Variants in NIBAN1 observed in about 807,000 individuals in gnomAD.
NIBAN1 encodes the protein protein Niban 1.
In NIBAN1, 81 loss-of-function variants were observed where a neutral mutation model predicts 75.1. That is an observed-to-expected ratio of 1.08 (90% CI 0.90 to 1.30). NIBAN1 has a LOEUF of 1.30. Ranked by LOEUF, NIBAN1 falls within the 50% of genes most tolerant of loss-of-function variation. The pLI, the probability that NIBAN1 is intolerant of heterozygous loss-of-function variation, is 0.00. For missense variants in NIBAN1, 1,133 were observed against 1,128.1 expected, an observed-to-expected ratio of 1.00 and a Z score of -0.06; for synonymous variants, 436 against 424.8, an observed-to-expected ratio of 1.03 and a Z score of -0.32.
rs375164319 is a variant in NIBAN1 at position 184,827,953 on chromosome 1, G to T, written c.717+3894C>A. Among the ~76,000 whole-genome samples, 470 of 100,000 alleles carry T rather than the reference G, an allele frequency of 4.7e-3. 2 individuals are homozygous for T. The highest frequency in any genetic ancestry group is 7.2e-3 in the African/African-American group (217 of 30,302). The allele number at this position is 100,000 out of a possible 152,430, so 65.6% of individuals were successfully genotyped here. A position where few individuals can be genotyped will look rare whatever the true frequency, so the allele number is the denominator to read the frequency against. ...AAGGCCTAAAAATGCGGGTAGTTTT[G>T]TTTTTTGTTTTTTTTTTTTTTTTCC... On this transcript the variant is annotated intron_variant, in intron 6 of 13. Transcript: ENST00000367511.
chr1:184,880,814 A>G (rs1386651773), intron 5 of NIBAN1, among the ~76,000 whole-genome samples: 5 of 152,202 alleles, frequency 3.3e-5, no homozygotes, highest in Admixed American at 1.3e-4. Flanking sequence ...GGACTGTCTC[A>G]GAACATCTTG....
intron 1 of NIBAN1, among the ~76,000 whole-genome samples, chr1:184,950,327 A>G (rs1439008186): frequency 6.6e-6 from 1 of 152,208 alleles, no homozygotes; most frequent in African/African-American, 2.4e-5. Flanking sequence ...TGAAATTTAC[A>G]AAAGGTAAGT....
At chr1:184,959,109 G>A (rs1017791517) in intron 1 of NIBAN1, among the ~76,000 whole-genome samples, 1 of 152,246 alleles carries the variant, frequency 6.6e-6, no homozygotes, top group Non-Finnish European at 1.5e-5. Flanking sequence ...CAATAATGAT[G>A]TGCTTTTTAA....
At chr1:184,972,632 A>G (rs1329192800) in intron 1 of NIBAN1, among the ~76,000 whole-genome samples, 1 of 152,232 alleles carries the variant, frequency 6.6e-6, no homozygotes, top group Non-Finnish European at 1.5e-5. Context: ...AATGACTGTC[A>G]CACCATATGC....
chr1:184,898,754 A>T (rs1305690863), intron 2 of NIBAN1, among the ~76,000 whole-genome samples: 1 of 152,218 alleles, frequency 6.6e-6, no homozygotes, highest in Non-Finnish European at 1.5e-5. Context: ...TTAATTCCCC[A>T]GTTCTTGGAC....
Position 184,890,152 on chromosome 1 carries a change from T to G in NIBAN1, c.389A>C (p.Asp130Ala). ...CCTGTCAGACAACAGATTATATTCA[T>G]CTTCTGAGGTTAACACCTTGCCACC... ...PAGGKVLTSE[D>A]EYNLLSDRHF... is the part of the protein sequence containing the mutation. The change falls in exon 4 of 14, where the codon GAT becomes GCT. Residue 130 changes from aspartate (D) to alanine (A), a missense_variant. Transcript: ENST00000367511. 1.2e-6 allele frequency: 2 copies of G among 1,613,940 alleles called. No individual in the cohort carries two copies. The highest frequency in any genetic ancestry group is 1.7e-6 in the Non-Finnish European group (2 of 1,179,854).
At chr1:184,921,468 T>C (rs1490208663) in intron 1 of NIBAN1, among the ~76,000 whole-genome samples, 2 of 152,146 alleles carry the variant, frequency 1.3e-5, no homozygotes, top group Non-Finnish European at 2.9e-5. Context: ...ACCAAAATGA[T>C]AAGTGATTAT....
chr1:184,934,496 G>T (rs1345474994), intron 1 of NIBAN1, among the ~76,000 whole-genome samples: 2 of 152,188 alleles, frequency 1.3e-5, no homozygotes, highest in African/African-American at 4.8e-5. Context: ...TGGCTCAGGG[G>T]CTCACACCTG....
chr1:184,846,030 G>T (rs1335657525), intron 5 of NIBAN1, among the ~76,000 whole-genome samples: 1 of 86,408 alleles, frequency 1.2e-5, no homozygotes, highest in Non-Finnish European at 2.3e-5. Flanking sequence ...ACTGCAAGGC[G>T]GCAGCGAGGC....
At chr1:184,852,293 G>A (rs1393981187) in intron 5 of NIBAN1, among the ~76,000 whole-genome samples, 1 of 152,218 alleles carries the variant, frequency 6.6e-6, no homozygotes, top group Admixed American at 6.5e-5. Flanking sequence ...TGTCACGAAT[G>A]TCCTTGAAAG....
intron 1 of NIBAN1, among the ~76,000 whole-genome samples, chr1:184,956,343 C>A (rs1381255374): frequency 6.6e-6 from 1 of 152,106 alleles, no homozygotes. Context: ...AGCCTGTAGA[C>A]CCTCATGGGC....
intron 1 of NIBAN1, among the ~76,000 whole-genome samples, chr1:184,941,935 G>A (rs1393911374): frequency 1.3e-5 from 2 of 152,088 alleles, no homozygotes; most frequent in Non-Finnish European, 2.9e-5. Flanking sequence ...GCCCTAATTT[G>A]TAACAAATTT....
intron 5 of NIBAN1, among the ~76,000 whole-genome samples, chr1:184,881,379 G>T (rs899266743): frequency 1.3e-5 from 2 of 152,148 alleles, no homozygotes; most frequent in African/African-American, 4.8e-5. Context: ...GCCAAATTCA[G>T]ACCCAACACT....
At chr1:184,821,728 CA>C (rs1169221173) in intron 8 of NIBAN1, among the ~76,000 whole-genome samples, 1 of 152,042 alleles carries the variant, frequency 6.6e-6, no homozygotes, top group African/African-American at 2.4e-5. Context: ...TTAAGTAGTA[CA>C]AAGTATTTCA....
Position 184,793,393 on chromosome 1 carries a change from C to G in NIBAN1, c.*1584G>C, listed in dbSNP as rs1478153299. 3 of 151,884 alleles carry G rather than the reference C, an allele frequency of 2.0e-5. No individual in the cohort carries two copies. Among genetic ancestry groups the G allele is most frequent in the Non-Finnish European group, 4.4e-5 (3 of 67,972 alleles). 9.4% of individuals were successfully genotyped at this position (151,884 alleles called of 1,614,324 possible). A position where few individuals can be genotyped will look rare whatever the true frequency, so the allele number is the denominator to read the frequency against. ...CAACATGGTGAAAACCCATCTCTACCAAAAATACAAAAATTAGCCGGGAAT... is the reference window on the plus strand; with the variant it reads ...CAACATGGTGAAAACCCATCTCTACGAAAAATACAAAAATTAGCCGGGAAT... On this transcript the variant is annotated 3_prime_UTR_variant, in exon 14 of 14. Transcript: ENST00000367511.
intron 9 of NIBAN1, 58 bp from the exon 10 acceptor site, chr1:184,808,293 A>G: frequency 2.0e-6 from 3 of 1,506,366 alleles, no homozygotes; most frequent in Middle Eastern, 1.7e-4. Flanking sequence ...GGTATTGCAT[A>G]TATATTGCAT....
chr1:184,912,751 A>C (rs1299936605), intron 1 of NIBAN1, among the ~76,000 whole-genome samples: 1 of 152,232 alleles, frequency 6.6e-6, no homozygotes, highest in Non-Finnish European at 1.5e-5. Flanking sequence ...TCAGAATAAC[A>C]ATACATTTAT....
chr1:184,867,746 C>T (rs963364707), intron 5 of NIBAN1: 24 of 466,272 alleles, frequency 5.1e-5, no homozygotes, highest in Middle Eastern at 1.0e-3. Flanking sequence ...AAACTCTCCT[C>T]TGTTAACTGA....
chr1:184,970,520 C>T (rs190451143), intron 1 of NIBAN1, among the ~76,000 whole-genome samples: 146 of 152,290 alleles, frequency 9.6e-4, no homozygotes, highest in African/African-American at 3.4e-3. Context: ...CCTAAGTTAA[C>T]CCTTGTATAA....
Sources: allele counts gnomAD v4.1 joint callset (sites outside exome capture counted in the v4.1 genomes callset), GRCh38; gene constraint gnomAD v4.1.1; transcripts MANE v1.5; gene names NCBI Gene and HGNC (gene_info 2026-07-23, HGNC 2026-07-21).